DAB1: variants seen among roughly 807,000 people sequenced by gnomAD.
The protein encoded by DAB1 is DAB adaptor protein 1.
Under a neutral mutation model 64.6 loss-of-function variants are expected in DAB1, and 15 were observed. That is an observed-to-expected ratio of 0.23 (90% CI 0.16 to 0.36). The LOEUF (loss-of-function observed/expected upper bound fraction) is 0.36, where lower values mean the gene tolerates loss of function less well. Ranked by LOEUF, DAB1 falls within the 10% of genes least tolerant of loss-of-function variation. The pLI is 1.00. For missense variants in DAB1, 596 were observed against 706.7 expected, an observed-to-expected ratio of 0.84 and a Z score of 1.78; for synonymous variants, 235 against 251.9, an observed-to-expected ratio of 0.93 and a Z score of 0.64.
chr1:58,375,495 G>A (rs1253417912), intron 3 of DAB1, among the ~76,000 whole-genome samples: 29 of 142,244 alleles, frequency 2.0e-4, no homozygotes, highest in South Asian at 6.7e-4. Flanking sequence ...ATTGATTTGC[G>A]TATATTGAAC....
intron 2 of DAB1, among the ~76,000 whole-genome samples, chr1:57,249,904 A>G (rs1408444101): frequency 6.6e-6 from 1 of 152,218 alleles, no homozygotes; most frequent in African/African-American, 2.4e-5. Context: ...ATATCCTAGT[A>G]TGTATTGCTT....
chr1:58,109,509 T>G (rs1044572129), intron 5 of DAB1, among the ~76,000 whole-genome samples: 4 of 152,038 alleles, frequency 2.6e-5, no homozygotes, highest in Non-Finnish European at 5.9e-5. Flanking sequence ...AACTAATGGA[T>G]CAACTCCGTA....
chr1:57,439,418 G>GTGTTTTTTTTTTTTTTTTTTTTTTTT (rs1685823935), intron 7 of DAB1, among the ~76,000 whole-genome samples: 1 of 116,140 alleles, frequency 8.6e-6, no homozygotes, highest in African/African-American at 3.5e-5. Flanking sequence ...TGGTGATGAG[G>GTGTTTTTTTTTTTTTTTTTTTTTTTT]TTTTTTCTTT....
chr1:57,044,773 A>G (rs566023922), intron 9 of DAB1, among the ~76,000 whole-genome samples: 2 of 152,176 alleles, frequency 1.3e-5, no homozygotes, highest in African/African-American at 2.4e-5. Context: ...CAAAGAAGAC[A>G]AAAAAAGTAC....
intron 5 of DAB1, among the ~76,000 whole-genome samples, chr1:58,060,867 C>T (rs1027998546): frequency 2.0e-5 from 3 of 152,254 alleles, no homozygotes; most frequent in African/African-American, 7.2e-5. Flanking sequence ...CAACGTGGAA[C>T]ATCTGGTTCC....
intron 6 of DAB1, among the ~76,000 whole-genome samples, chr1:57,666,920 G>C (rs1250084088): frequency 1.3e-5 from 2 of 151,884 alleles, no homozygotes; most frequent in African/African-American, 2.4e-5. Context: ...GAGGGAGAGG[G>C]AGAGGGCTTA....
intron 4 of DAB1, among the ~76,000 whole-genome samples, chr1:57,092,588 C>CT (rs1200261475): frequency 6.7e-6 from 1 of 149,290 alleles, no homozygotes; most frequent in Admixed American, 6.8e-5. Context: ...TCATGTGAAA[C>CT]TGTGAGTCAA....
intron 5 of DAB1, among the ~76,000 whole-genome samples, chr1:58,136,033 A>G (rs1266493568): frequency 6.6e-6 from 1 of 152,186 alleles, no homozygotes; most frequent in Non-Finnish European, 1.5e-5. Flanking sequence ...ATTCACTCAG[A>G]TCGCTGCAAC....
chr1:58,530,307 G>C (rs1646415263), intron 1 of DAB1, among the ~76,000 whole-genome samples: 1 of 152,162 alleles, frequency 6.6e-6, no homozygotes, highest in Non-Finnish European at 1.5e-5. Context: ...AGGGTCAGTG[G>C]CTGGGTTTTC....
At chr1:56,999,485 T>A (rs1645762492) in intron 14 of DAB1, among the ~76,000 whole-genome samples, 1 of 152,252 alleles carries the variant, frequency 6.6e-6, no homozygotes, top group Non-Finnish European at 1.5e-5. Flanking sequence ...GTCTTATTTA[T>A]CTGCCTTATA....
At chr1:57,763,047 T>C (rs1649153930) in intron 6 of DAB1, among the ~76,000 whole-genome samples, 1 of 152,162 alleles carries the variant, frequency 6.6e-6, no homozygotes, top group African/African-American at 2.4e-5. Context: ...GTAGGCATTG[T>C]CATCCACTCT....
intron 7 of DAB1, among the ~76,000 whole-genome samples, chr1:57,591,035 G>A (rs1290337291): frequency 6.6e-6 from 1 of 152,148 alleles, no homozygotes; most frequent in Admixed American, 6.5e-5. Context: ...AGGTGACGGT[G>A]AAATTGCTTT....
intron 9 of DAB1, 92 bp downstream of exon 9, chr1:57,062,792 T>C: frequency 9.4e-7 from 1 of 1,063,800 alleles, no homozygotes; most frequent in Non-Finnish European, 1.4e-6. Flanking sequence ...TGACACTCAT[T>C]CCAGGAGAAG....
chr1:57,218,515 T>TAAAAAAAAAAAAAAAAAAAA (rs776398255), intron 2 of DAB1, among the ~76,000 whole-genome samples: 2 of 71,440 alleles, frequency 2.8e-5, no homozygotes, highest in Admixed American at 1.8e-4. Context: ...CCCCCATCTC[T>TAAAAAAAAAAAAAAAAAAAA]AAAAAAAAAA....
chr1:58,236,614 C>A (rs1460475124), intron 4 of DAB1, among the ~76,000 whole-genome samples: 4 of 152,150 alleles, frequency 2.6e-5, no homozygotes, highest in African/African-American at 9.7e-5. Context: ...CATAAATAGT[C>A]CTTTGTTATT....
chr1:57,455,753 A>G (rs966054944), intron 7 of DAB1, among the ~76,000 whole-genome samples: 1 of 152,104 alleles, frequency 6.6e-6, no homozygotes, highest in Non-Finnish European at 1.5e-5. Context: ...ATCATTCATA[A>G]TCCTGTTGAA....
chr1:58,392,794 C>T (rs1451709731), intron 3 of DAB1, among the ~76,000 whole-genome samples: 2 of 152,216 alleles, frequency 1.3e-5, no homozygotes, highest in Non-Finnish European at 2.9e-5. Context: ...GGCTAAGGTA[C>T]TGGTCTCTTC....
intron 5 of DAB1, among the ~76,000 whole-genome samples, chr1:57,896,383 C>T (rs1644392310): frequency 6.7e-6 from 1 of 150,250 alleles, no homozygotes; most frequent in Non-Finnish European, 1.5e-5. Context: ...GTCAACTTGA[C>T]AATGAACATT....
In DAB1 at chr1:58,146,753, T is replaced by C. The variant is rs527463942; in HGVS notation, n.387+3758A>G. Among the ~76,000 whole-genome samples, 3 of 152,030 alleles carry C rather than the reference T, an allele frequency of 2.0e-5. No homozygotes were observed. The South Asian group carries it at 6.2e-4, about 32-fold the overall frequency. On this transcript the variant is annotated intron_variant and non_coding_transcript_variant, in intron 5 of 20. Coordinates refer to the DAB1 transcript ENST00000485760. ...ATATTCTATTATAAATTCTATTATT[T>C]ATAATAGAATATATGTGAATATATT...
Sources: gnomAD v4.1 joint callset for allele counts (sites outside exome capture counted in the v4.1 genomes callset) on GRCh38, gnomAD v4.1.1 for gene constraint, MANE v1.5 for transcripts, NCBI Gene and HGNC (gene_info 2026-07-23, HGNC 2026-07-21) for gene names.